The following FBXW8 variants were observed in gnomAD, a reference collection of about 807,000 sequenced individuals.
FBXW8 encodes the protein F-box and WD repeat domain containing 8.
Under a neutral mutation model 65.3 loss-of-function variants are expected in FBXW8, and 57 were observed. That is an observed-to-expected ratio of 0.87 (90% confidence interval 0.71 to 1.09). The LOEUF (loss-of-function observed/expected upper bound fraction) is 1.09, where lower values mean the gene tolerates loss of function less well. Among genes scored for constraint, FBXW8 ranks in the 50% least tolerant of loss-of-function variants. The pLI is 0.00. For synonymous variants in FBXW8, 308 were observed against 330.2 expected (o/e 0.93, Z 0.73); for missense variants, 777 against 814.8 (o/e 0.95, Z 0.57).
intron 2 of FBXW8, among the ~76,000 whole-genome samples, chr12:116,939,086 C>T (rs751123113): frequency 6.6e-6 from 1 of 152,220 alleles, no homozygotes; most frequent in Non-Finnish European, 1.5e-5. Flanking sequence ...AAAGTGACTT[C>T]TGCAGAGCAC....
chr12:117,018,337 G>T (rs1277321980), intron 8 of FBXW8, among the ~76,000 whole-genome samples: 2 of 152,186 alleles, frequency 1.3e-5, no homozygotes, highest in Non-Finnish European at 2.9e-5. Context: ...GCTAGATGGG[G>T]ATTCACAATA....
At position 117,010,381 on chromosome 12, in the gene FBXW8, G is replaced by A. The variant is rs780938860; in HGVS notation, c.1298G>A (p.Arg433His). 64 of 1,614,200 alleles carry A rather than the reference G, an allele frequency of 4.0e-5. No homozygotes were observed. In the East Asian group the frequency reaches 6.2e-4, roughly 16 times the overall value. The change falls in exon 8 of 11, where the codon CGT (arginine) becomes CAT (histidine). Residue 433 changes from arginine (R) to histidine (H), a missense_variant. Transcript: ENST00000652555. Reference sequence around the variant, plus strand: ...CTCTTGAAGCTGGGTAACGTTCTCCGTGACTTCACGTGTGTCAACCTCAGC... The same window carrying A: ...CTCTTGAAGCTGGGTAACGTTCTCCATGACTTCACGTGTGTCAACCTCAGC... ...RRLLKLGNVL[R>H]DFTCVNLSDS...
chr12:116,992,425 G>GTT (rs147542337), intron 7 of FBXW8, among the ~76,000 whole-genome samples: 1,988 of 147,792 alleles, frequency 0.013, 44 homozygotes, highest in East Asian at 0.089. Flanking sequence ...TCAGAGTTTT[G>GTT]TTTTTTTTTT....
At chr12:116,928,874 G>A (rs1371928146) in intron 2 of FBXW8, among the ~76,000 whole-genome samples, 6 of 152,096 alleles carry the variant, frequency 3.9e-5, no homozygotes, top group Non-Finnish European at 5.9e-5. Context: ...GCAGTGGGAC[G>A]ATCTTGGCTC....
chr12:117,012,643 C>T (rs527420626), intron 8 of FBXW8, among the ~76,000 whole-genome samples: 3 of 152,134 alleles, frequency 2.0e-5, no homozygotes, highest in African/African-American at 4.8e-5. Context: ...AGATGCTGGC[C>T]CAGGCTTGTA....
At position 116,945,545 on chromosome 12, in the gene FBXW8, A is replaced by G. The variant is rs1882876423; in HGVS notation, c.588+17A>G. 3 of 1,609,050 alleles carry G rather than the reference A, an allele frequency of 1.9e-6. No individual in the cohort carries two copies. The highest frequency in any genetic ancestry group is 1.3e-5 in the African/African-American group (1 of 74,852). On this transcript the variant is annotated intron_variant, in intron 3 of 10. Coordinates refer to ENST00000652555, the MANE Select transcript of FBXW8 (RefSeq NM_153348.3). ...AACTGGAAGGTGGGCAGTGGCCAAT[A>G]TCATTACCTGTGAAAGAATAGCCTG...
In FBXW8 at chr12:117,020,532, A is replaced by C. The variant is rs559904021; in HGVS notation, c.1368-3615A>C. ...ACCCCCATTCGCAGTTTTCATATTT[A>C]TCTCTTTGTGCTCCATTCTTGGTAA... On this transcript the variant is annotated intron_variant, in intron 8 of 10. Transcript: ENST00000652555. Among the ~76,000 whole-genome samples, 4 of 152,102 alleles carry C rather than the reference A, an allele frequency of 2.6e-5. No individual in the cohort carries two copies. The East Asian group carries it at 5.8e-4, about 22-fold the overall frequency.
intron 3 of FBXW8, among the ~76,000 whole-genome samples, chr12:116,947,671 G>A (rs1475518954): frequency 2.0e-5 from 3 of 149,972 alleles, no homozygotes; most frequent in Non-Finnish European, 4.4e-5. Flanking sequence ...CCCTGGAGGT[G>A]GAGGTTGCAG....
At chr12:116,915,640 CTTTTTTTTTTTTTTTTTT>C (rs57687048) in intron 1 of FBXW8, among the ~76,000 whole-genome samples, 1 of 77,192 alleles carries the variant, frequency 1.3e-5, no homozygotes, top group Non-Finnish European at 2.3e-5. Context: ...CACCTGACTA[CTTTTTTTTTTTTTTTTTT>C]TTTTTTTTTT....
intron 8 of FBXW8, among the ~76,000 whole-genome samples, chr12:117,014,344 T>A (rs73399498): frequency 0.024 from 3,601 of 152,274 alleles, 146 homozygotes; most frequent in African/African-American, 0.082. Flanking sequence ...TCCCATGCAT[T>A]TTACCTTTAC....
At chr12:117,024,383 A>G (rs1954177237) in intron 9 of FBXW8, 63 bp downstream of exon 9, 2 of 1,585,080 alleles carry the variant, frequency 1.3e-6, no homozygotes, top group Middle Eastern at 1.7e-4. Flanking sequence ...AGCACTAATC[A>G]GCCTGCACCA....
intron 7 of FBXW8, among the ~76,000 whole-genome samples, chr12:116,993,390 C>T (rs1953300856): frequency 6.6e-6 from 1 of 152,148 alleles, no homozygotes; most frequent in Admixed American, 6.5e-5. Context: ...GTGTGGGCCA[C>T]CGCACCCGGC....
rs1287193407 is a variant in FBXW8, at chr12:116,961,985, C to T, written c.678-2712C>T. ...GTGGCTTCTCTGGGAATGAGCAGAA[C>T]AGAACAAGCTTGGCACCTGAGCATC... On this transcript the variant is annotated intron_variant, in intron 4 of 10. Coordinates refer to ENST00000652555, the MANE Select transcript of FBXW8 (RefSeq NM_153348.3). This position sits in a 1 kb window ranked among gnomAD's most constrained non-coding sequence, Gnocchi z 4.4. Among the ~76,000 whole-genome samples, 1 of 152,080 alleles carries T rather than the reference C, an allele frequency of 6.6e-6. No individual in the cohort carries two copies. The highest frequency in any genetic ancestry group is 1.5e-5 in the Non-Finnish European group (1 of 68,000).
At chr12:116,974,458 A>T (rs1196543108) in intron 5 of FBXW8, among the ~76,000 whole-genome samples, 2 of 152,234 alleles carry the variant, frequency 1.3e-5, no homozygotes, top group Non-Finnish European at 2.9e-5. Flanking sequence ...TCAGCCCTAG[A>T]CTAAAAGCTG....
chr12:116,921,102 C>CT (rs1335455845), intron 1 of FBXW8, among the ~76,000 whole-genome samples: 11 of 152,214 alleles, frequency 7.2e-5, no homozygotes, highest in Admixed American at 7.2e-4. Context: ...TTGGCATCTT[C>CT]TACCTTCTTT....
At chr12:116,985,134 G>C in intron 5 of FBXW8, 72 bp from the exon 6 acceptor site, 1 of 1,381,004 alleles carries the variant, frequency 7.2e-7, no homozygotes, top group Non-Finnish European at 9.7e-7. Context: ...CCTTTGTGTT[G>C]CATGTTTTTA....
Position 117,028,526 on chromosome 12 carries a change from C to T in FBXW8, c.*354C>T. On this transcript the variant is annotated 3_prime_UTR_variant, in exon 11 of 11. Transcript: ENST00000652555. The surrounding 1 kb of genome is among the most constrained non-coding windows in gnomAD (Gnocchi z 4.1). ...GTGTGTCCGCCCTCCCAGCTCCAGC[C>T]CTGCAGGCCGTCTTTTCCGTCTCCA... is the stretch of plus-strand genomic sequence containing the variant. The T allele has an allele frequency of 9.2e-6, 2 of 218,526 alleles. No homozygotes were observed. Among genetic ancestry groups the T allele is most frequent in the Admixed American group, 5.0e-5 (1 of 19,992 alleles). 13.5% of individuals were successfully genotyped at this position (218,526 alleles called of 1,614,324 possible).
intron 2 of FBXW8, among the ~76,000 whole-genome samples, chr12:116,935,691 GT>G (rs1269198088): frequency 6.6e-6 from 1 of 152,198 alleles, no homozygotes; most frequent in Admixed American, 6.5e-5. Flanking sequence ...ATTGAGCTAA[GT>G]GGTGGGTACT....
At chr12:116,939,419 G>A (rs543100337) in intron 2 of FBXW8, among the ~76,000 whole-genome samples, 15 of 152,286 alleles carry the variant, frequency 9.8e-5, no homozygotes, top group Admixed American at 3.9e-4. Flanking sequence ...GTTCTGCAGC[G>A]AGGAATTCTG....
Sources: allele counts gnomAD v4.1 joint callset (sites outside exome capture counted in the v4.1 genomes callset), GRCh38; gene constraint gnomAD v4.1.1; non-coding constraint Gnocchi (gnomAD v3.1); transcripts MANE v1.5; gene names NCBI Gene and HGNC (gene_info 2026-07-23, HGNC 2026-07-21).